Variants in EXOC4 observed in about 807,000 individuals in gnomAD.
EXOC4 encodes SEC8-like 1.
In EXOC4, 71 loss-of-function variants were observed where a neutral mutation model predicts 107.2. The ratio of observed to expected loss-of-function variants is 0.66; its 90% CI spans 0.55 to 0.81. The LOEUF is 0.81. EXOC4 is among the 30% of genes least tolerant of loss of function. The probability of loss-of-function intolerance (pLI) is 0.00; values close to 1 mark genes in which losing one functional copy is unlikely to be tolerated. For synonymous variants in EXOC4, 456 were observed against 441.2 expected, an observed-to-expected ratio of 1.03 and a Z score of -0.42; for missense variants, 1,108 against 1,189.6, an observed-to-expected ratio of 0.93 and a Z score of 1.01.
intron 10 of EXOC4, among the ~76,000 whole-genome samples, chr7:133,712,073 G>A (rs969280226): frequency 6.6e-6 from 1 of 152,094 alleles, no homozygotes; most frequent in African/African-American, 2.4e-5. Flanking sequence ...ACAGTAAGGT[G>A]TTACTTCAAG....
At chr7:133,969,045 A>AT (rs562398122) in intron 14 of EXOC4, among the ~76,000 whole-genome samples, 16 of 151,364 alleles carry the variant, frequency 1.1e-4, no homozygotes, top group African/African-American at 3.9e-4. Flanking sequence ...GTTCCTTTTC[A>AT]TTTTTTTTCT....
intron 6 of EXOC4, among the ~76,000 whole-genome samples, chr7:133,366,779 A>G (rs1316848017): frequency 6.6e-6 from 1 of 152,190 alleles, no homozygotes; most frequent in East Asian, 1.9e-4. Context: ...TGTCATGCCA[A>G]ATATTGGAAT....
intron 10 of EXOC4, among the ~76,000 whole-genome samples, chr7:133,795,300 G>A (rs1796791954): frequency 6.6e-6 from 1 of 151,908 alleles, no homozygotes; most frequent in African/African-American, 2.4e-5. Context: ...CTTGCTTTTA[G>A]TGCTGTTTTA....
intron 9 of EXOC4, among the ~76,000 whole-genome samples, chr7:133,587,918 T>G (rs1177865590): frequency 3.9e-5 from 6 of 152,214 alleles, no homozygotes; most frequent in Non-Finnish European, 7.4e-5. Context: ...CTAGCAGGTT[T>G]TTTTTTCCCC....
intron 10 of EXOC4, among the ~76,000 whole-genome samples, chr7:133,799,171 A>G (rs1365841309): frequency 3.3e-5 from 5 of 152,236 alleles, no homozygotes; most frequent in Non-Finnish European, 7.3e-5. Context: ...TAACCCAGCT[A>G]CATTTTCCTC....
the EXOC4 span, among the ~76,000 whole-genome samples, chr7:134,091,028 G>A: frequency 6.6e-6 from 1 of 151,938 alleles, no homozygotes; most frequent in East Asian, 1.9e-4. Flanking sequence ...ATGATTTTCA[G>A]TTGAGATTAG....
chr7:133,871,910 T>C (rs1003486691), intron 11 of EXOC4, among the ~76,000 whole-genome samples: 1 of 152,242 alleles, frequency 6.6e-6, no homozygotes, highest in African/African-American at 2.4e-5. Context: ...GGGTGGCTTA[T>C]AGTAAGCAAT....
chr7:133,866,435 C>T (rs757255524), intron 11 of EXOC4, among the ~76,000 whole-genome samples: 3 of 152,150 alleles, frequency 2.0e-5, no homozygotes, highest in Non-Finnish European at 4.4e-5. Context: ...CACAGGTGTG[C>T]TCTTCACTAC....
At chr7:133,352,967 G>A (rs1795944049) in intron 5 of EXOC4, among the ~76,000 whole-genome samples, 1 of 151,982 alleles carries the variant, frequency 6.6e-6, no homozygotes, top group Admixed American at 6.6e-5. Context: ...TGATGTCACA[G>A]AATTATATCT....
chr7:133,583,223 A>G (rs1347721230), intron 9 of EXOC4, among the ~76,000 whole-genome samples: 1 of 151,902 alleles, frequency 6.6e-6, no homozygotes, highest in African/African-American at 2.4e-5. Context: ...GGCTGTTTCA[A>G]CTGTTAACTT....
chr7:134,049,195 C>G (rs1795726043), intron 17 of EXOC4, among the ~76,000 whole-genome samples: 1 of 152,174 alleles, frequency 6.6e-6, no homozygotes, highest in South Asian at 2.1e-4. Flanking sequence ...TATTTTCTTT[C>G]CACTTAAGGA....
chr7:133,945,698 C>T (rs986357562), intron 14 of EXOC4, among the ~76,000 whole-genome samples: 1 of 152,214 alleles, frequency 6.6e-6, no homozygotes, highest in African/African-American at 2.4e-5. Flanking sequence ...CGGTCCACCC[C>T]CATCCCCCAA....
chr7:133,972,383 A>G (rs1390246812), intron 14 of EXOC4, among the ~76,000 whole-genome samples: 1 of 152,176 alleles, frequency 6.6e-6, no homozygotes, highest in East Asian at 1.9e-4. Context: ...CCAATCCGTC[A>G]TCTGAAGTAC....
intron 2 of EXOC4, among the ~76,000 whole-genome samples, chr7:133,283,385 CT>C (rs1379294545): frequency 6.6e-6 from 1 of 152,188 alleles, no homozygotes; most frequent in Non-Finnish European, 1.5e-5. Context: ...AGATTTCCTT[CT>C]TTTTAAATGC....
rs566253950 is a variant in EXOC4 at position 133,628,646 on chromosome 7, G to A, written c.1418-1399G>A. ...CATCTTTTCACATTCTAAACTCTCT[G>A]AAATTAGGATGTATCTGAAATCAGT... is the stretch of plus-strand genomic sequence containing the variant. On this transcript the variant is annotated intron_variant, in intron 9 of 17. Coordinates refer to ENST00000253861, the MANE Select transcript of EXOC4 (RefSeq NM_021807.4). 8.5e-5 allele frequency among the ~76,000 whole-genome samples: 13 copies of A among 152,248 alleles called. No individual in the cohort carries two copies. The East Asian group carries it at 2.5e-3, about 29-fold the overall frequency.
At chr7:133,576,337 T>G (rs1801125749) in intron 9 of EXOC4, 1 of 478,952 alleles carries the variant, frequency 2.1e-6, no homozygotes, top group Admixed American at 3.8e-5. Context: ...TTGAGATAAT[T>G]GGCAGATCAC....
intron 4 of EXOC4, among the ~76,000 whole-genome samples, chr7:133,313,690 G>A (rs1481491610): frequency 6.6e-6 from 1 of 152,128 alleles, no homozygotes; most frequent in South Asian, 2.1e-4. Context: ...AACTGTTTTC[G>A]TATCATGAAA....
intron 9 of EXOC4, among the ~76,000 whole-genome samples, chr7:133,526,328 CTTTA>C (rs912131414): frequency 6.6e-6 from 1 of 152,050 alleles, no homozygotes; most frequent in African/African-American, 2.4e-5. Context: ...ATGACTCTTT[CTTTA>C]TTCAAGTTGA....
chr7:133,797,875 C>T (rs182137694), intron 10 of EXOC4, among the ~76,000 whole-genome samples: 121 of 152,290 alleles, frequency 7.9e-4, no homozygotes, highest in African/African-American at 2.8e-3. Context: ...ACCCTGCCCT[C>T]GTGGGGCCTG....
Sources: allele counts gnomAD v4.1 joint callset (sites outside exome capture counted in the v4.1 genomes callset), GRCh38; gene constraint gnomAD v4.1.1; transcripts MANE v1.5; gene names NCBI Gene and HGNC (gene_info 2026-07-23, HGNC 2026-07-21).